Variants in PCSK5 observed in about 807,000 individuals in gnomAD.
PCSK5 encodes proprotein convertase subtilisin/kexin type 5, also known as prohormone convertase 5.
A neutral mutation model predicts 233.2 loss-of-function variants in PCSK5; 129 were observed. That is an observed-to-expected ratio of 0.55 (90% CI 0.48 to 0.64). PCSK5 has a LOEUF of 0.64. Ranked by LOEUF, PCSK5 falls within the 30% of genes least tolerant of loss-of-function variation. The pLI is 0.00. For missense variants in PCSK5, 2,076 were observed against 2,430.1 expected, an observed-to-expected ratio of 0.85 and a Z score of 3.06; for synonymous variants, 825 against 879.2, an observed-to-expected ratio of 0.94 and a Z score of 1.09.
intron 24 of PCSK5, among the ~76,000 whole-genome samples, chr9:76,269,653 T>G (rs1020173837): frequency 6.6e-6 from 1 of 152,106 alleles, no homozygotes; most frequent in Non-Finnish European, 1.5e-5. Flanking sequence ...CTGTAAGCAA[T>G]AAAAGCACAG....
intron 24 of PCSK5, among the ~76,000 whole-genome samples, chr9:76,257,071 T>C (rs1314113062): frequency 6.6e-6 from 1 of 152,220 alleles, no homozygotes; most frequent in Non-Finnish European, 1.5e-5. Context: ...TCACCCTTTT[T>C]CTGAGAAGCC....
chr9:76,176,529 G>A (rs997469099), intron 14 of PCSK5, among the ~76,000 whole-genome samples: 2 of 152,128 alleles, frequency 1.3e-5, no homozygotes, highest in Non-Finnish European at 2.9e-5. Flanking sequence ...AGTCTCATTG[G>A]AATTTAATTT....
chr9:76,293,564 C>T (rs1443438173), intron 25 of PCSK5, among the ~76,000 whole-genome samples: 1 of 152,196 alleles, frequency 6.6e-6, no homozygotes, highest in Non-Finnish European at 1.5e-5. Flanking sequence ...ATTCTTGTGC[C>T]TCAGCCTCCC....
chr9:76,174,224 A>G (rs570906590), intron 13 of PCSK5, among the ~76,000 whole-genome samples: 1 of 152,316 alleles, frequency 6.6e-6, no homozygotes, highest in Non-Finnish European at 1.5e-5. Context: ...TGTTTTCTTA[A>G]TATTGAATGA....
chr9:75,984,929 A>G (rs1452928637), intron 2 of PCSK5, among the ~76,000 whole-genome samples: 1 of 152,108 alleles, frequency 6.6e-6, no homozygotes, highest in Non-Finnish European at 1.5e-5. Context: ...GTAATCTTTT[A>G]ATTGAGCAGG....
rs551668943 is a variant in PCSK5, at chr9:76,228,045, C to T, written c.2729+440C>T. Among the ~76,000 whole-genome samples the T allele has an allele frequency of 2.6e-5, 4 of 151,682 alleles. No homozygotes were observed. In the East Asian group the frequency reaches 7.8e-4, roughly 29 times the overall value. The stretch of plus-strand genomic sequence containing the variant: ...AGTGCAGTGGCGCGATCTCTGCTCA[C>T]GGCAACCTCCGCCTCCCGGGTTCAA... On this transcript the variant is annotated intron_variant, in intron 21 of 37. Coordinates refer to ENST00000674117, the MANE Select transcript of PCSK5 (RefSeq NM_001372043.1).
chr9:76,048,045 C>T (rs756710751), intron 5 of PCSK5, among the ~76,000 whole-genome samples: 3 of 152,074 alleles, frequency 2.0e-5, no homozygotes, highest in Non-Finnish European at 2.9e-5. Context: ...GTCACGTTGC[C>T]GTCCTTGTTG....
At chr9:76,268,500 C>T (rs991893304) in intron 24 of PCSK5, among the ~76,000 whole-genome samples, 1 of 152,154 alleles carries the variant, frequency 6.6e-6, no homozygotes, top group African/African-American at 2.4e-5. Flanking sequence ...CTGGTGTGTA[C>T]CCCAGTCTGT....
intron 2 of PCSK5, among the ~76,000 whole-genome samples, chr9:75,975,137 A>G (rs559343457): frequency 6.6e-6 from 1 of 151,102 alleles, no homozygotes; most frequent in Non-Finnish European, 1.5e-5. Flanking sequence ...TGAAATGAAA[A>G]CTCCTGGTAC....
chr9:76,167,639 T>C (rs1823141957), intron 12 of PCSK5, among the ~76,000 whole-genome samples: 2 of 152,176 alleles, frequency 1.3e-5, no homozygotes. Context: ...ACTGATAAAA[T>C]ACGTTTTTAA....
At chr9:76,160,449 T>C (rs1214424164) in intron 12 of PCSK5, among the ~76,000 whole-genome samples, 2 of 152,122 alleles carry the variant, frequency 1.3e-5, no homozygotes, top group African/African-American at 4.8e-5. Flanking sequence ...TTTTTTTCTC[T>C]CAGAAGAACA....
At chr9:76,335,287 G>A (rs2803439) in intron 34 of PCSK5, among the ~76,000 whole-genome samples, 104,662 of 151,978 alleles carry the variant, frequency 0.69, 36,732 homozygotes, top group South Asian at 0.8. Flanking sequence ...GTTCCACAGC[G>A]TGTAAAGTTC....
In PCSK5 at chr9:76,152,255, A is replaced by T. The variant is rs529300555; in HGVS notation, c.1313-4790A>T. On this transcript the variant is annotated intron_variant, in intron 10 of 37. Transcript: ENST00000674117. Reference sequence around the variant, plus strand: ...CCAGGAATGAGGGAATTCCCAGGGCACAAGCATTTCAGTGCTAACATCAGA... The same window carrying T: ...CCAGGAATGAGGGAATTCCCAGGGCTCAAGCATTTCAGTGCTAACATCAGA... 2.0e-5 allele frequency among the ~76,000 whole-genome samples: 3 copies of T among 152,344 alleles called. No individual in the cohort carries two copies. In the East Asian group the frequency reaches 5.8e-4, roughly 29 times the overall value.
intron 21 of PCSK5, among the ~76,000 whole-genome samples, chr9:76,232,755 A>C (rs896366192): frequency 3.9e-5 from 6 of 152,232 alleles, no homozygotes; most frequent in African/African-American, 1.4e-4. Context: ...AAATATTAAC[A>C]ATGACATTAG....
intron 20 of PCSK5, among the ~76,000 whole-genome samples, chr9:76,217,890 C>T (rs1295514048): frequency 6.6e-6 from 1 of 152,206 alleles, no homozygotes; most frequent in Admixed American, 6.5e-5. Flanking sequence ...TGCCCCTCCA[C>T]ACCACATTCC....
At chr9:76,352,239 T>A (rs1009666704) in intron 36 of PCSK5, among the ~76,000 whole-genome samples, 5 of 152,318 alleles carry the variant, frequency 3.3e-5, no homozygotes, top group East Asian at 3.9e-4. Context: ...GATGTTGCCA[T>A]GGCATTTGTA....
At chr9:76,251,391 G>A (rs1490493705) in intron 24 of PCSK5, among the ~76,000 whole-genome samples, 7 of 151,832 alleles carry the variant, frequency 4.6e-5, no homozygotes, top group African/African-American at 1.5e-4. Flanking sequence ...GTGAAACCCC[G>A]TCTCTATTAA....
At chr9:76,347,571 A>G (rs1416664760) in intron 35 of PCSK5, among the ~76,000 whole-genome samples, 4 of 152,084 alleles carry the variant, frequency 2.6e-5, no homozygotes, top group Non-Finnish European at 4.4e-5. Flanking sequence ...GGCCTCAGAC[A>G]ATTTATTGTT....
intron 5 of PCSK5, among the ~76,000 whole-genome samples, chr9:76,063,339 T>A (rs866304741): frequency 7.2e-6 from 1 of 138,804 alleles, no homozygotes. Flanking sequence ...TTTTTTTTTT[T>A]TTTTTTTTTA....
Sources: allele counts gnomAD v4.1 joint callset (sites outside exome capture counted in the v4.1 genomes callset), GRCh38; gene constraint gnomAD v4.1.1; transcripts MANE v1.5; gene names NCBI Gene and HGNC (gene_info 2026-07-23, HGNC 2026-07-21).